Variants in PTPRG observed in about 807,000 individuals in gnomAD.
The protein encoded by PTPRG is protein tyrosine phosphatase receptor type G, also known as receptor-type tyrosine-protein phosphatase gamma.
In PTPRG, 102 loss-of-function variants were observed where a neutral mutation model predicts 165.3. That is an observed-to-expected ratio of 0.62 (90% confidence interval 0.53 to 0.73). PTPRG has a LOEUF of 0.73. Among genes scored for constraint, PTPRG ranks in the 30% least tolerant of loss-of-function variants. The pLI is 0.00. For synonymous variants in PTPRG, 675 were observed against 669.5 expected, an observed-to-expected ratio of 1.01 and a Z score of -0.13; for missense variants, 1,866 against 1,861.4, an observed-to-expected ratio of 1.00 and a Z score of -0.05.
chr3:62,194,914 C>T (rs1434664034), intron 9 of PTPRG, 148 bp from the exon 10 acceptor site: 10 of 694,822 alleles, frequency 1.4e-5, no homozygotes, highest in Middle Eastern at 4.9e-4. Context: ...AGGGTCCAAG[C>T]GGTCTTTCCT....
At chr3:61,857,690 CTAA>C (rs1403628645) in intron 2 of PTPRG, among the ~76,000 whole-genome samples, 1 of 152,194 alleles carries the variant, frequency 6.6e-6, no homozygotes, top group East Asian at 1.9e-4. Context: ...CCTGCAAAGA[CTAA>C]TATAGTTCCT....
At chr3:61,906,802 GGT>G (rs2038668080) in intron 2 of PTPRG, among the ~76,000 whole-genome samples, 2 of 151,448 alleles carry the variant, frequency 1.3e-5, no homozygotes, top group Admixed American at 6.6e-5. Context: ...TAGGTAGGTA[GGT>G]AGGTAGGTAG....
rs1700962346 is a variant in PTPRG at position 62,233,839 on chromosome 3, C to T, written c.2375+2528C>T. ...GAGGAAAAAAACATTGAAGATCAGACCCAAGTATTTAATTTTTTAATAAAG... is the reference window on the plus strand; with the variant it reads ...GAGGAAAAAAACATTGAAGATCAGATCCAAGTATTTAATTTTTTAATAAAG... On this transcript the variant is annotated intron_variant, in intron 14 of 29. Coordinates refer to ENST00000474889, the MANE Select transcript of PTPRG (RefSeq NM_002841.4). The surrounding 1 kb of genome is among the most constrained non-coding windows in gnomAD (Gnocchi z 4.7). Among the ~76,000 whole-genome samples, 1 of 152,152 alleles carries T rather than the reference C, an allele frequency of 6.6e-6. No homozygotes were observed. The highest frequency in any genetic ancestry group is 2.4e-5 in the African/African-American group (1 of 41,436).
chr3:61,994,827 G>A (rs1266536819), intron 3 of PTPRG, among the ~76,000 whole-genome samples: 6 of 152,184 alleles, frequency 3.9e-5, no homozygotes, highest in Non-Finnish European at 7.4e-5. Context: ...GGAGGAGGAT[G>A]TAGCTCTGCT....
At chr3:61,994,368 T>C (rs1055796587) in intron 3 of PTPRG, among the ~76,000 whole-genome samples, 2 of 152,244 alleles carry the variant, frequency 1.3e-5, no homozygotes, top group African/African-American at 4.8e-5. Flanking sequence ...TGAGGACAAA[T>C]AGTAAATGTG....
chr3:61,799,489 A>C (rs907324044), intron 2 of PTPRG, among the ~76,000 whole-genome samples: 1 of 152,136 alleles, frequency 6.6e-6, no homozygotes. Context: ...ACAGTTTCTC[A>C]GACTTTCCTT....
At chr3:61,597,121 C>T (rs1051179555) in intron 1 of PTPRG, among the ~76,000 whole-genome samples, 5 of 152,066 alleles carry the variant, frequency 3.3e-5, no homozygotes, top group Non-Finnish European at 7.4e-5. Context: ...CTTACTCTCC[C>T]AGTAACAAAC....
intron 2 of PTPRG, among the ~76,000 whole-genome samples, chr3:61,892,783 T>C (rs2038252189): frequency 6.6e-6 from 1 of 150,440 alleles, no homozygotes; most frequent in African/African-American, 2.5e-5. Context: ...GTCATTGCGC[T>C]CCAGCCTGAG....
At chr3:62,141,590 C>T (rs1321449780) in intron 6 of PTPRG, among the ~76,000 whole-genome samples, 2 of 151,956 alleles carry the variant, frequency 1.3e-5, no homozygotes, top group African/African-American at 4.8e-5. Context: ...CAGAGCGAGA[C>T]CTGGTCTTAA....
At chr3:62,100,304 G>T (rs908419797) in intron 5 of PTPRG, among the ~76,000 whole-genome samples, 2 of 152,104 alleles carry the variant, frequency 1.3e-5, no homozygotes, top group African/African-American at 4.8e-5. Context: ...GGGGTGACTT[G>T]TTCCTGTTCT....
Position 62,228,305 on chromosome 3 carries a change from G to A in PTPRG, c.2289-2920G>A, listed in dbSNP as rs975097944. On this transcript the variant is annotated intron_variant, in intron 13 of 29. Coordinates refer to ENST00000474889, the MANE Select transcript of PTPRG (RefSeq NM_002841.4). The surrounding 1 kb of genome is among the most constrained non-coding windows in gnomAD (Gnocchi z 4.1). ...TGGGAGGTCAAGGTAGGTGGATCAC[G>A]AGGTCAGGAGTTCAAGAACAGCCTG... 8.6e-5 allele frequency among the ~76,000 whole-genome samples: 13 copies of A among 152,030 alleles called. No individual in the cohort carries two copies. The highest frequency in any genetic ancestry group is 1.3e-4 in the Non-Finnish European group (9 of 68,018).
At chr3:61,742,571 C>T (rs1013451154) in intron 1 of PTPRG, 4 of 1,593,034 alleles carry the variant, frequency 2.5e-6, no homozygotes, top group Non-Finnish European at 3.4e-6. Context: ...ATGTTATACA[C>T]AAGCTCATCG....
intron 7 of PTPRG, among the ~76,000 whole-genome samples, chr3:62,160,560 A>G (rs575530556): frequency 6.6e-6 from 1 of 152,254 alleles, no homozygotes. Context: ...GAGGAGCCGG[A>G]CAACACATGG....
chr3:62,013,871 TCTC>T (rs2041482950), intron 4 of PTPRG, among the ~76,000 whole-genome samples: 1 of 152,074 alleles, frequency 6.6e-6, no homozygotes, highest in South Asian at 2.1e-4. Flanking sequence ...ACACTATTCT[TCTC>T]AGAATCCACT....
chr3:62,203,442 T>C lies in PTPRG; in HGVS notation c.1647T>C (p.Ala549=). ...CCGCCTCAGCCAGCAAGCAGGCGGC[T>C]AGGCCAGTCCTAGCCACCACAGAGG... ...PTAASASKQA[A]RPVLATTEAL... is the part of the protein sequence containing the mutation. Residue 549 remains alanine, a synonymous_variant, in exon 12 of 30, where the codon GCT becomes GCC. Transcript: ENST00000474889. The surrounding 1 kb of genome is among the most constrained non-coding windows in gnomAD (Gnocchi z 6.4). The C allele has an allele frequency of 6.3e-7, 1 of 1,597,350 alleles. No individual in the cohort carries two copies. The highest frequency in any genetic ancestry group is 8.5e-7 in the Non-Finnish European group (1 of 1,171,856).
intron 4 of PTPRG, among the ~76,000 whole-genome samples, chr3:62,040,730 C>T (rs532487496): frequency 3.3e-5 from 5 of 152,314 alleles, no homozygotes; most frequent in African/African-American, 7.2e-5. Context: ...GTGTGAGCCA[C>T]CGTGCCCAGC....
At position 62,293,802 on chromosome 3, in the gene PTPRG, G is replaced by A. The variant is rs1702979344; in HGVS notation, c.*495G>A. 6.6e-6 allele frequency: 1 copy of A among 152,420 alleles called. No homozygotes were observed. Among genetic ancestry groups the A allele is most frequent in the Admixed American group, 6.6e-5 (1 of 15,230 alleles). The allele number at this position is 152,420 out of a possible 1,614,324, so 9.4% of individuals were successfully genotyped here. ...GTATTTTAATGGAGTGGATAGCATT[G>A]TTTTCTTTTACAGACTAGCAGGCTA... is the stretch of plus-strand genomic sequence containing the variant. On this transcript the variant is annotated 3_prime_UTR_variant, in exon 30 of 30. Coordinates refer to ENST00000474889, the MANE Select transcript of PTPRG (RefSeq NM_002841.4).
chr3:62,243,369 G>A (rs1030186295), intron 14 of PTPRG, among the ~76,000 whole-genome samples: 3 of 152,122 alleles, frequency 2.0e-5, no homozygotes, highest in Admixed American at 6.5e-5. Flanking sequence ...GTGCTATTGT[G>A]TACTTGGGCT....
intron 2 of PTPRG, among the ~76,000 whole-genome samples, chr3:61,816,231 TCAAAAACC>T (rs2035758677): frequency 1.3e-5 from 2 of 152,168 alleles, no homozygotes; most frequent in Admixed American, 6.5e-5. Context: ...GAACAGAATT[TCAAAAACC>T]CAGAAAAAGG....
Sources: gnomAD v4.1 joint callset for allele counts (sites outside exome capture counted in the v4.1 genomes callset) on GRCh38, gnomAD v4.1.1 for gene constraint, Gnocchi (gnomAD v3.1) non-coding constraint, MANE v1.5 for transcripts, NCBI Gene and HGNC (gene_info 2026-07-23, HGNC 2026-07-21) for gene names.